Variants in ASXL3 observed in about 807,000 individuals in gnomAD.
ASXL3 encodes the protein ASXL transcriptional regulator 3.
A neutral mutation model predicts 170.6 loss-of-function variants in ASXL3; 34 were observed. The observed-to-expected ratio is 0.20, with a 90% CI of 0.15 to 0.27. The LOEUF is 0.27. ASXL3 is among the 10% of genes least tolerant of loss of function. The pLI is 1.00. For missense variants in ASXL3, 2,592 were observed against 2,695.3 expected (o/e 0.96, Z 0.85); for synonymous variants, 1,002 against 989.1 (o/e 1.01, Z -0.24).
At chr18:33,642,780 A>G (rs768086281) in intron 2 of ASXL3, among the ~76,000 whole-genome samples, 11 of 151,960 alleles carry the variant, frequency 7.2e-5, no homozygotes, top group South Asian at 2.1e-4. Context: ...TTAAATTGCT[A>G]TTTAATAGCC....
chr18:33,702,368 C>G (rs2066887693), intron 8 of ASXL3, among the ~76,000 whole-genome samples: 2 of 151,938 alleles, frequency 1.3e-5, no homozygotes, highest in African/African-American at 4.8e-5. Flanking sequence ...TCTCTTCCTT[C>G]AGGAATTGTT....
At chr18:33,620,796 C>T (rs907137283) in intron 2 of ASXL3, among the ~76,000 whole-genome samples, 4 of 152,174 alleles carry the variant, frequency 2.6e-5, no homozygotes, top group African/African-American at 9.6e-5. Context: ...ACTTTTGAAT[C>T]CAGTCTTCCC....
At chr18:33,598,300 T>C (rs567913844) in intron 1 of ASXL3, among the ~76,000 whole-genome samples, 2 of 152,274 alleles carry the variant, frequency 1.3e-5, no homozygotes, top group African/African-American at 4.8e-5. Flanking sequence ...AATATTCTCA[T>C]TTATATTTTT....
chr18:33,595,059 T>G (rs1356608914), intron 1 of ASXL3, among the ~76,000 whole-genome samples: 1 of 152,172 alleles, frequency 6.6e-6, no homozygotes, highest in Non-Finnish European at 1.5e-5. Context: ...AAGCCTGTGG[T>G]CTAAACTCTA....
intron 5 of ASXL3, among the ~76,000 whole-genome samples, chr18:33,669,339 A>G (rs1237517708): frequency 1.3e-5 from 2 of 152,180 alleles, no homozygotes; most frequent in Non-Finnish European, 2.9e-5. Context: ...CCCCTCTCCC[A>G]TATATAGTAC....
At chr18:33,582,023 T>C (rs1007132550) in intron 1 of ASXL3, among the ~76,000 whole-genome samples, 3 of 152,314 alleles carry the variant, frequency 2.0e-5, no homozygotes, top group Non-Finnish European at 4.4e-5. Context: ...GTTGTAGTTG[T>C]GTTACTTTGC....
At chr18:33,610,602 T>C (rs1320253991) in intron 2 of ASXL3, among the ~76,000 whole-genome samples, 1 of 151,998 alleles carries the variant, frequency 6.6e-6, no homozygotes, top group Non-Finnish European at 1.5e-5. Context: ...ATTTTGTCTT[T>C]GTATGTCTTC....
intron 1 of ASXL3, among the ~76,000 whole-genome samples, chr18:33,600,271 T>C (rs2065170565): frequency 1.3e-5 from 2 of 152,176 alleles, no homozygotes; most frequent in African/African-American, 4.8e-5. Flanking sequence ...ATCCCATAAT[T>C]GTAAACTTAT....
chr18:33,607,869 G>GT (rs2065273482), intron 2 of ASXL3, among the ~76,000 whole-genome samples, 193 bp downstream of exon 2: 1 of 151,880 alleles, frequency 6.6e-6, no homozygotes, highest in African/African-American at 2.4e-5. Context: ...AATACATTAC[G>GT]TTAGATGGAT....
At chr18:33,601,463 G>C (rs988022609) in intron 1 of ASXL3, among the ~76,000 whole-genome samples, 1 of 151,926 alleles carries the variant, frequency 6.6e-6, no homozygotes. Context: ...CAGACATCTA[G>C]TGAGTAGGGA....
intron 2 of ASXL3, among the ~76,000 whole-genome samples, chr18:33,611,152 CT>C (rs1191376546): frequency 6.6e-6 from 1 of 151,992 alleles, no homozygotes; most frequent in Non-Finnish European, 1.5e-5. Flanking sequence ...GATAGGACAA[CT>C]TTTTTACATC....
In ASXL3 at chr18:33,744,642, C is replaced by A. The variant is rs761460571; in HGVS notation, c.4794C>A (p.Ser1598Arg). The change falls in exon 12 of 12, where the codon AGC (serine) becomes AGA (arginine). Residue 1598 changes from serine (S) to arginine (R), a missense_variant. Transcript: ENST00000269197. Reference protein sequence around the residue: ...PFKSEADTTCSNQYNPSNRIC... With the variant: ...PFKSEADTTCRNQYNPSNRIC... ...AAAGTGAAGCAGACACAACCTGTAG[C>A]AATCAGTATAACCCAAGTAACCGGA... The A allele has an allele frequency of 3.1e-6, 5 of 1,606,298 alleles. 1 individual carries two copies.
chr18:33,613,916 C>A (rs1458780395), intron 2 of ASXL3, among the ~76,000 whole-genome samples: 1 of 152,042 alleles, frequency 6.6e-6, no homozygotes, highest in Non-Finnish European at 1.5e-5. Flanking sequence ...CTGAGTGAGA[C>A]CCTGTCTGAA....
At chr18:33,720,238 A>G (rs1354767048) in intron 8 of ASXL3, among the ~76,000 whole-genome samples, 3 of 152,088 alleles carry the variant, frequency 2.0e-5, no homozygotes, top group South Asian at 2.1e-4. Flanking sequence ...GAAGCTGTCT[A>G]TCTGTTTCAC....
intron 10 of ASXL3, 143 bp from the exon 11 acceptor site, chr18:33,738,344 G>T: frequency 1.2e-6 from 1 of 855,580 alleles, no homozygotes; most frequent in Non-Finnish European, 1.7e-6. Flanking sequence ...ATTGTAAACT[G>T]GTTTACATAA....
chr18:33,591,349 C>T (rs749348086), intron 1 of ASXL3, among the ~76,000 whole-genome samples: 16 of 152,090 alleles, frequency 1.1e-4, no homozygotes, highest in Non-Finnish European at 1.6e-4. Context: ...ATGCTCTGTC[C>T]TGGGCAGAGT....
chr18:33,676,778 T>C (rs2145269075), intron 7 of ASXL3, among the ~76,000 whole-genome samples: 1 of 152,304 alleles, frequency 6.6e-6, no homozygotes, highest in African/African-American at 2.4e-5. Flanking sequence ...TAATACCCTC[T>C]CTCCTTGTCT....
intron 2 of ASXL3, among the ~76,000 whole-genome samples, chr18:33,635,418 T>A (rs1303929043): frequency 6.6e-6 from 1 of 152,240 alleles, no homozygotes; most frequent in Non-Finnish European, 1.5e-5. Context: ...TTTACTCTGC[T>A]TTCCTCTGGT....
At chr18:33,673,779 C>T (rs1484729133) in intron 7 of ASXL3, among the ~76,000 whole-genome samples, 1 of 152,166 alleles carries the variant, frequency 6.6e-6, no homozygotes, top group Non-Finnish European at 1.5e-5. Context: ...GATATACAAG[C>T]CTGCTTTTAG....
Sources: allele counts gnomAD v4.1 joint callset (sites outside exome capture counted in the v4.1 genomes callset), GRCh38; gene constraint gnomAD v4.1.1; transcripts MANE v1.5; gene names NCBI Gene and HGNC (gene_info 2026-07-23, HGNC 2026-07-21).